Variants in GP6 observed in about 807,000 individuals in gnomAD.
The protein encoded by GP6 is platelet glycoprotein VI.
In GP6, 45 loss-of-function variants were observed where a neutral mutation model predicts 37.3. The observed-to-expected ratio is 1.21, with a 90% CI of 0.95 to 1.55. The LOEUF is 1.55. GP6 is among the 40% of genes most tolerant of loss of function. The pLI, the probability that GP6 is intolerant of heterozygous loss-of-function variation, is 0.00. For synonymous variants in GP6, 340 were observed against 316.4 expected (o/e 1.07, Z -0.79); for missense variants, 813 against 760.2 (o/e 1.07, Z -0.82).
At chr19:55,032,909 CGGT>C (rs1467470016) in intron 1 of GP6, 11 of 356,740 alleles carry the variant, frequency 3.1e-5, no homozygotes, top group African/African-American at 1.7e-4. Flanking sequence ...GTGTTAGACA[CGGT>C]GGGCTCGTTC....
chr19:55,031,645 A>T (rs1209549320), intron 3 of GP6, among the ~76,000 whole-genome samples: 4 of 152,184 alleles, frequency 2.6e-5, no homozygotes, highest in Admixed American at 2.6e-4. Context: ...AGCCAGATGC[A>T]GTGGCTCACG....
rs1199873877 is a variant in GP6, at chr19:55,024,305, CACAT to C, written c.664+909_664+912del. On this transcript the variant is annotated intron_variant, in intron 5 of 7. Coordinates refer to ENST00000310373, the MANE Select transcript of GP6 (RefSeq NM_001083899.2). ...ACACACACATATGCACGCATGCACA[CACAT>C]ATGCACGCACACACACATATGCACG... Among the ~76,000 whole-genome samples, 12 of 143,468 alleles carry C rather than the reference CACAT, an allele frequency of 8.4e-5. 1 individual carries two copies. The highest frequency in any genetic ancestry group is 4.4e-4 in the South Asian group (2 of 4,544). The allele number at this position is 143,468 out of a possible 152,430, so 94.1% of individuals were successfully genotyped here.
intron 1 of GP6, among the ~76,000 whole-genome samples, chr19:55,034,149 C>CGTGTGTGTGTGT (rs1568646806): frequency 8.3e-5 from 6 of 71,942 alleles, no homozygotes; most frequent in Non-Finnish European, 1.7e-4. Flanking sequence ...TATATGTATG[C>CGTGTGTGTGTGT]ATGTGTGTGT....
intron 3 of GP6, among the ~76,000 whole-genome samples, chr19:55,031,558 A>T (rs927174921): frequency 1.3e-5 from 2 of 152,190 alleles, no homozygotes; most frequent in Non-Finnish European, 2.9e-5. Flanking sequence ...TTTATTTGAA[A>T]TTCTGGTTTT....
In GP6 at chr19:55,032,425, TCCCCGCAGACCCCGCCTGGA is replaced by T. The variant is rs775648841; in HGVS notation, c.68-49_68-30del. ...GAAGAGGAGCAGGGCTGGGTCAGCC[TCCCCGCAGACCCCGCCTGGA>T]CCCCGCTGCTCCCGCGCTGGCGGAT... On this transcript the variant is annotated intron_variant, in intron 2 of 7. Transcript: ENST00000310373. The T allele has an allele frequency of 3.7e-6, 6 of 1,611,132 alleles. No individual in the cohort carries two copies. The African/African-American group carries it at 6.7e-5, about 18-fold the overall frequency.
At chr19:55,024,465 C>T (rs1022622271) in intron 5 of GP6, among the ~76,000 whole-genome samples, 1 of 152,096 alleles carries the variant, frequency 6.6e-6, no homozygotes, top group Non-Finnish European at 1.5e-5. Flanking sequence ...TTATCAACCT[C>T]GGCTCTTTCC....
intron 5 of GP6, among the ~76,000 whole-genome samples, chr19:55,019,921 A>G (rs896459287): frequency 2.0e-5 from 3 of 151,532 alleles, no homozygotes; most frequent in Admixed American, 1.3e-4. Context: ...CTTGTGATCC[A>G]CCCGCCTCAG....
At chr19:55,027,036 C>T (rs879066864) in intron 4 of GP6, among the ~76,000 whole-genome samples, 13 of 57,624 alleles carry the variant, frequency 2.3e-4, no homozygotes, top group Non-Finnish European at 2.8e-4. Flanking sequence ...CCCCTGCAGC[C>T]CAGGGCTTCC....
chr19:55,019,156 A>T (rs775016701), intron 5 of GP6, among the ~76,000 whole-genome samples: 6 of 137,308 alleles, frequency 4.4e-5, no homozygotes, highest in Non-Finnish European at 6.1e-5. Flanking sequence ...CCCAGGCTGG[A>T]GTGCAGTGGC....
At chr19:55,024,649 C>T (rs895771633) in intron 5 of GP6, among the ~76,000 whole-genome samples, 5 of 152,254 alleles carry the variant, frequency 3.3e-5, no homozygotes, top group South Asian at 4.2e-4. Context: ...CAAAACTTAC[C>T]GCAGTGGTTC....
intron 1 of GP6, among the ~76,000 whole-genome samples, chr19:55,035,700 G>T (rs532914753): frequency 1.3e-5 from 2 of 152,088 alleles, no homozygotes; most frequent in East Asian, 3.9e-4. Flanking sequence ...CTGGGCAACA[G>T]AGTGAGACTC....
intron 3 of GP6, among the ~76,000 whole-genome samples, chr19:55,029,101 A>G (rs2074419206): frequency 9.1e-6 from 1 of 109,956 alleles, no homozygotes. Flanking sequence ...AGAAAGAAAG[A>G]GGAAGGAAGG....
Position 55,018,575 on chromosome 19 carries a change from T to C in GP6, c.724+77A>G, listed in dbSNP as rs2073959905. The C allele has an allele frequency of 9.1e-6, 8 of 883,742 alleles. No homozygotes were observed. The South Asian group carries it at 1.0e-4, about 12-fold the overall frequency. 54.7% of individuals were successfully genotyped at this position (883,742 alleles called of 1,614,324 possible). ...CAGTTCGGTGAAGTGATTAAAAGCC[T>C]ACAGGCTTAGATAATGGAAGAGAGA... On this transcript the variant is annotated intron_variant, in intron 6 of 7. Transcript: ENST00000310373.
In GP6 at chr19:55,014,315, T is replaced by C. The variant is rs751253075; in HGVS notation, c.1630A>G (p.Met544Val). 1 of 1,572,596 alleles carries C rather than the reference T, an allele frequency of 6.4e-7. No homozygotes were observed. Among genetic ancestry groups the C allele is most frequent in the East Asian group, 2.2e-5 (1 of 44,726 alleles). The change falls in exon 8 of 8, where the codon ATG (methionine) becomes GTG (valine). Residue 544 changes from methionine to valine, a missense_variant. Coordinates refer to ENST00000310373, the MANE Select transcript of GP6 (RefSeq NM_001083899.2). ...TGTTGGTAGAGATGAGGTTTCACCA[T>C]GTTGCACAGGCTGATCTTGTTTTCT...
intron 5 of GP6, among the ~76,000 whole-genome samples, chr19:55,024,342 G>GCACGCATGCACACA (rs2074217497): frequency 3.4e-4 from 6 of 17,908 alleles, no homozygotes; most frequent in Non-Finnish European, 6.2e-4. Context: ...ACGCACACAC[G>GCACGCATGCACACA]CACATGCACG....
rs1466900173 is a variant in GP6, at chr19:55,032,249, A to T, written c.215T>A (p.Val72Asp). The change falls in exon 3 of 8, where the codon GTC becomes GAC. Residue 72 changes from valine to aspartate, a missense_variant. Coordinates refer to ENST00000310373, the MANE Select transcript of GP6 (RefSeq NM_001083899.2). ...TCTCTTCATGGCCGGGATGAAGAGG[A>T]CTGCCTGATCCTGGTACCTGCTGGA... The T allele has an allele frequency of 6.2e-7, 1 of 1,614,002 alleles. No homozygotes were observed. Among genetic ancestry groups the T allele is most frequent in the African/African-American group, 1.3e-5 (1 of 74,902 alleles).
At position 55,014,202 on chromosome 19, in the gene GP6, C is replaced by G; in HGVS notation, c.1743G>C (p.Leu581Phe). ...CACTGCAACCTCTGCCTCCCAGGCT[C>G]AAGCCATTCTCCCACCTCAGCCCCC... Residue 581 changes from leucine to phenylalanine, a missense_variant, in exon 8 of 8, where the codon TTG becomes TTC. Coordinates refer to ENST00000310373, the MANE Select transcript of GP6 (RefSeq NM_001083899.2). The G allele has an allele frequency of 1.3e-6, 1 of 743,564 alleles. No individual in the cohort carries two copies. Among genetic ancestry groups the G allele is most frequent in the Admixed American group, 2.0e-5 (1 of 51,264 alleles). 46.1% of individuals were successfully genotyped at this position (743,564 alleles called of 1,614,324 possible).
chr19:55,018,261 T>C (rs934011051), intron 6 of GP6, among the ~76,000 whole-genome samples: 1 of 152,160 alleles, frequency 6.6e-6, no homozygotes, highest in Non-Finnish European at 1.5e-5. Flanking sequence ...CTGGAGCGGT[T>C]AGAAGATGTG....
rs1292417225 is a variant in GP6 at position 55,014,537 on chromosome 19, GCA to G, written c.1406_1407del (p.Val469AlafsTer54). 4 of 1,613,764 alleles carry G rather than the reference GCA, an allele frequency of 2.5e-6. No homozygotes were observed. The highest frequency in any genetic ancestry group is 1.1e-5 in the South Asian group (1 of 91,068). ...CCAAAGGGAAGCACGGGAGGATTTTGCACAGAGGATGGAACAGAGTCAACCCT... is the reference window on the plus strand; with the variant it reads ...CCAAAGGGAAGCACGGGAGGATTTTGCAGAGGATGGAACAGAGTCAACCCT... On this transcript the variant is annotated frameshift_variant, in exon 8 of 8. Transcript: ENST00000310373. LOFTEE classifies it low-confidence loss of function (END_TRUNC).
Sources: allele counts gnomAD v4.1 joint callset (sites outside exome capture counted in the v4.1 genomes callset), GRCh38; gene constraint gnomAD v4.1.1; transcripts MANE v1.5; gene names NCBI Gene and HGNC (gene_info 2026-07-23, HGNC 2026-07-21).